Variants in PHF21B observed in about 807,000 individuals in gnomAD.
The protein encoded by PHF21B is PHD finger protein 21B, also known as PHD finger protein 4.
In PHF21B, 22 loss-of-function variants were observed where a neutral mutation model predicts 62.2. That is an observed-to-expected ratio of 0.35 (90% CI 0.25 to 0.51). PHF21B has a LOEUF of 0.51. Ranked by LOEUF, PHF21B falls within the 20% of genes least tolerant of loss-of-function variation. The pLI, the probability that PHF21B is intolerant of heterozygous loss-of-function variation, is 0.97. For synonymous variants in PHF21B, 341 were observed against 314.7 expected (o/e 1.08, Z -0.88); for missense variants, 701 against 707.9 (o/e 0.99, Z 0.11).
intron 2 of PHF21B, among the ~76,000 whole-genome samples, chr22:44,942,995 ACCC>A (rs136699): frequency 0.57 from 80,780 of 140,856 alleles, 23,714 homozygotes; most frequent in Non-Finnish European, 0.67. Context: ...GCAGGGAGGG[ACCC>A]CCCCCCCCCC....
chr22:44,945,667 C>G (rs2147375716), intron 2 of PHF21B, among the ~76,000 whole-genome samples: 1 of 152,024 alleles, frequency 6.6e-6, no homozygotes, highest in African/African-American at 2.4e-5. Context: ...CCCAGGAACG[C>G]CATCTTCCAG....
chr22:44,993,556 G>A (rs948271151), intron 2 of PHF21B, among the ~76,000 whole-genome samples: 3 of 152,220 alleles, frequency 2.0e-5, no homozygotes, highest in Admixed American at 6.5e-5. Context: ...TCCCACACAC[G>A]GCAACGTGCA....
At chr22:44,933,514 G>A (rs1422429197) in intron 2 of PHF21B, 4 of 985,308 alleles carry the variant, frequency 4.1e-6, no homozygotes, top group South Asian at 4.7e-5. Context: ...GGTTCTGCCC[G>A]CGATCTGGGG....
At chr22:44,966,936 T>G (rs965999979) in intron 2 of PHF21B, 22 of 152,154 alleles carry the variant, frequency 1.4e-4, no homozygotes, top group African/African-American at 5.1e-4. Context: ...TCCATCCAAC[T>G]TGCAATCTCC....
At chr22:44,942,570 AT>A (rs2071979812) in intron 2 of PHF21B, among the ~76,000 whole-genome samples, 1 of 152,176 alleles carries the variant, frequency 6.6e-6, no homozygotes. Flanking sequence ...TGCAGAGCCC[AT>A]GTGTGCTCCA....
chr22:44,906,282 G>A (rs76167705), intron 5 of PHF21B, among the ~76,000 whole-genome samples: 2 of 152,206 alleles, frequency 1.3e-5, no homozygotes, highest in Non-Finnish European at 2.9e-5. Context: ...GAGTTCAAGA[G>A]GGGGAGTGAC....
chr22:44,920,168 G>C (rs1468586251), intron 3 of PHF21B, among the ~76,000 whole-genome samples: 1 of 152,192 alleles, frequency 6.6e-6, no homozygotes, highest in Non-Finnish European at 1.5e-5. Context: ...AAAAAATTCT[G>C]GTCATGACCC....
In PHF21B at chr22:44,902,838, GT is replaced by G. The variant is rs745802543; in HGVS notation, c.832-6756del. Among the ~76,000 whole-genome samples the G allele has an allele frequency of 6.6e-5, 10 of 152,106 alleles. No individual in the cohort carries two copies. In the East Asian group the frequency reaches 1.9e-3, roughly 29 times the overall value. ...TTGCTTATAGCAGCTTCATATTGAT[GT>G]TTTGTTGTTAAACATAACTAAATGA... is the stretch of plus-strand genomic sequence containing the variant. On this transcript the variant is annotated intron_variant, in intron 5 of 12. Transcript: ENST00000313237.
chr22:45,006,825 C>CTG lies in PHF21B; in HGVS notation c.120+1719_120+1720insCA, dbSNP rs2073322367. Reference sequence around the variant, plus strand: ...GAAAAAAGGGCTTAGTAACCCTCAGCTATCACACTGGACCAGATCTGGTGG... The same window carrying CTG: ...GAAAAAAGGGCTTAGTAACCCTCAGCTGTATCACACTGGACCAGATCTGGTGG... On this transcript the variant is annotated intron_variant, in intron 2 of 12. Transcript: ENST00000313237. Among the ~76,000 whole-genome samples the CTG allele has an allele frequency of 2.0e-5, 3 of 151,350 alleles. No individual in the cohort carries two copies. In the South Asian group the frequency reaches 6.3e-4, roughly 32 times the overall value.
At chr22:44,945,929 G>C (rs544109849) in intron 2 of PHF21B, among the ~76,000 whole-genome samples, 1 of 152,134 alleles carries the variant, frequency 6.6e-6, no homozygotes, top group Non-Finnish European at 1.5e-5. Context: ...AGGGCCACCC[G>C]TGCTGTTCCT....
Position 44,920,505 on chromosome 22 carries a change from AG to A in PHF21B, c.121-16del. 1 of 1,596,016 alleles carries A rather than the reference AG, an allele frequency of 6.3e-7. No individual in the cohort carries two copies. Among genetic ancestry groups the A allele is most frequent in the South Asian group, 1.1e-5 (1 of 89,226 alleles). On this transcript the variant is annotated splice_polypyrimidine_tract_variant and intron_variant, in intron 2 of 12. Transcript: ENST00000313237. ...GTTCCCAAAGCCTGAAACATACAGG[AG>A]GGCAACGCTGAGACAGGAGGAGCAG... is the stretch of plus-strand genomic sequence containing the variant.
chr22:44,969,168 C>T (rs2072588662), intron 2 of PHF21B: 1 of 152,282 alleles, frequency 6.6e-6, no homozygotes, highest in South Asian at 2.1e-4. Context: ...GTGATCCATG[C>T]TCGCCTGGCC....
chr22:45,007,299 G>A (rs996089400), intron 2 of PHF21B, among the ~76,000 whole-genome samples: 1 of 152,002 alleles, frequency 6.6e-6, no homozygotes, highest in African/African-American at 2.4e-5. Context: ...ACGAACGCCC[G>A]GCCTCCGAAT....
At chr22:44,931,343 G>A (rs9306488) in intron 2 of PHF21B, among the ~76,000 whole-genome samples, 37,639 of 151,816 alleles carry the variant, frequency 0.25, 4,949 homozygotes, top group Middle Eastern at 0.3. Context: ...GCTGCCAGGC[G>A]CAGGCGGCTC....
At chr22:44,997,654 T>C (rs2071308343) in intron 2 of PHF21B, among the ~76,000 whole-genome samples, 1 of 152,236 alleles carries the variant, frequency 6.6e-6, no homozygotes, top group Admixed American at 6.5e-5. Context: ...ATATTTTTAA[T>C]TACATTTTCA....
At chr22:44,958,768 G>A (rs1028086965) in intron 2 of PHF21B, among the ~76,000 whole-genome samples, 7 of 151,704 alleles carry the variant, frequency 4.6e-5, no homozygotes, top group African/African-American at 1.7e-4. Context: ...ACCACACCTG[G>A]CTAATTTTTT....
intron 1 of PHF21B, 126 bp from the exon 2 acceptor site, chr22:45,008,736 T>G: frequency 8.7e-7 from 1 of 1,154,594 alleles, no homozygotes; most frequent in Non-Finnish European, 1.1e-6. Context: ...CACCCCAAGT[T>G]TCCCGGGCCG....
intron 2 of PHF21B, among the ~76,000 whole-genome samples, chr22:44,983,680 G>A (rs528217266): frequency 3.9e-4 from 60 of 152,242 alleles, no homozygotes; most frequent in Middle Eastern, 3.4e-3. Flanking sequence ...TGCAGATGAA[G>A]AGAAATGTCT....
Position 44,920,351 on chromosome 22 carries a change from G to A in PHF21B, c.213+47C>T, listed in dbSNP as rs746479968. 33 of 1,486,424 alleles carry A rather than the reference G, an allele frequency of 2.2e-5. No individual in the cohort carries two copies. In the East Asian group the frequency reaches 3.9e-4, roughly 17 times the overall value. The allele number at this position is 1,486,424 out of a possible 1,614,324, so 92.1% of individuals were successfully genotyped here. ...CTGAGGGGTTAGGAACAGAGACTGC[G>A]GGGACAGACAGACGGACACCCCAGG... On this transcript the variant is annotated intron_variant, in intron 3 of 12. Transcript: ENST00000313237.
Sources: gnomAD v4.1 joint callset for allele counts (sites outside exome capture counted in the v4.1 genomes callset) on GRCh38, gnomAD v4.1.1 for gene constraint, MANE v1.5 for transcripts, NCBI Gene and HGNC (gene_info 2026-07-23, HGNC 2026-07-21) for gene names.